Variants in MAN2B1 observed in about 807,000 individuals in gnomAD.
MAN2B1 encodes the protein lysosomal alpha-mannosidase.
Under a neutral mutation model 127.5 loss-of-function variants are expected in MAN2B1, and 99 were observed. The ratio of observed to expected loss-of-function variants is 0.78; its 90% CI spans 0.66 to 0.92. MAN2B1 has a LOEUF of 0.92. Ranked by LOEUF, MAN2B1 falls within the 40% of genes least tolerant of loss-of-function variation. The probability of loss-of-function intolerance (pLI) is 0.00; values close to 1 mark genes in which losing one functional copy is unlikely to be tolerated. For synonymous variants in MAN2B1, 573 were observed against 568.8 expected, an observed-to-expected ratio of 1.01 and a Z score of -0.11; for missense variants, 1,304 against 1,384.8, an observed-to-expected ratio of 0.94 and a Z score of 0.93.
At chr19:12,666,431 A>G (rs2024243304) in intron 1 of MAN2B1, 112 bp downstream of exon 1, 2 of 1,214,266 alleles carry the variant, frequency 1.6e-6, no homozygotes, top group Non-Finnish European at 2.4e-6. Context: ...CCACACTGTC[A>G]TATCATCAGC....
chr19:12,650,344 C>T (rs1299730863), intron 16 of MAN2B1, 122 bp from the exon 17 acceptor site: 7 of 715,320 alleles, frequency 9.8e-6, no homozygotes, highest in Non-Finnish European at 1.8e-5. Context: ...CCTTCAGTCA[C>T]CGCCACATAA....
chr19:12,657,435 G>A lies in MAN2B1; in HGVS notation c.1419+11C>T. 1 of 1,546,672 alleles carries A rather than the reference G, an allele frequency of 6.5e-7. No individual in the cohort carries two copies. The highest frequency in any genetic ancestry group is 8.7e-7 in the Non-Finnish European group (1 of 1,145,538). On this transcript the variant is annotated intron_variant, in intron 11 of 23. Coordinates refer to ENST00000456935, the MANE Select transcript of MAN2B1 (RefSeq NM_000528.4). ...TCCACCCCCGTGTCTCCCAAGTCTC[G>A]CCCCGCGCACCTCGCAAGGCCCCCA...
chr19:12,656,102 G>A (rs988386392), intron 13 of MAN2B1: 1 of 507,656 alleles, frequency 2.0e-6, no homozygotes, highest in Non-Finnish European at 3.5e-6. Context: ...TGGAGTCGGG[G>A]GAGTGAAGGA....
chr19:12,647,746 G>A lies in MAN2B1; in HGVS notation c.2665-148C>T, dbSNP rs2023728580. On this transcript the variant is annotated intron_variant, in intron 21 of 23. Transcript: ENST00000456935. This position sits in a 1 kb window ranked among gnomAD's most constrained non-coding sequence, Gnocchi z 4.9. ...AGGCTCAGCCGAGAGGAGCGGCCAG[G>A]GCCGTGACAGGGAGGACTGAGCCAA... 1 of 672,796 alleles carries A rather than the reference G, an allele frequency of 1.5e-6. No homozygotes were observed. The highest frequency in any genetic ancestry group is 2.5e-6 in the Non-Finnish European group (1 of 400,456). 41.7% of individuals were successfully genotyped at this position (672,796 alleles called of 1,614,324 possible).
At chr19:12,656,388 A>C (rs1402187940) in intron 13 of MAN2B1, 183 bp downstream of exon 13, 29 of 580,412 alleles carry the variant, frequency 5.0e-5, no homozygotes, top group Non-Finnish European at 3.1e-6. Flanking sequence ...GACCACTCAC[A>C]GGAGGCATAT....
rs1218747088 is a variant in MAN2B1, at chr19:12,647,261, G to A, written c.2895C>T (p.Ala965=). The A allele has an allele frequency of 6.2e-7, 1 of 1,614,106 alleles. No individual in the cohort carries two copies. The highest frequency in any genetic ancestry group is 8.5e-7 in the Non-Finnish European group (1 of 1,179,994). ...TLVANQLREA[A]SRLKWTTNTG... ...TGTTTGTTGTCCACTTGAGCCTGGA[G>A]GCTGCCTCGCGGAGCTGGTTGGCCA... Residue 965 remains alanine (A), a synonymous_variant, in exon 23 of 24, where the codon GCC becomes GCT. Coordinates refer to ENST00000456935, the MANE Select transcript of MAN2B1 (RefSeq NM_000528.4). This position sits in a 1 kb window ranked among gnomAD's most constrained non-coding sequence, Gnocchi z 4.9.
intron 14 of MAN2B1, among the ~76,000 whole-genome samples, chr19:12,652,997 C>T (rs2023877060): frequency 6.6e-6 from 1 of 151,752 alleles, no homozygotes; most frequent in Admixed American, 6.6e-5. Flanking sequence ...CCATGCCTGG[C>T]TAATTTTTGT....
At chr19:12,648,939 G>A (rs2023769107) in intron 20 of MAN2B1, among the ~76,000 whole-genome samples, 197 bp downstream of exon 20, 1 of 152,168 alleles carries the variant, frequency 6.6e-6, no homozygotes, top group Admixed American at 6.5e-5. Flanking sequence ...AGGTTGCAGT[G>A]AGCTGAGATA....
rs773459409 is a variant in MAN2B1, at chr19:12,666,731, G to A, written c.-30C>T. ...CAGCAGCTTCCTCCTGGGGTTCCCC[G>A]GCCCTGGAAAGGCCGGGCAAACGCC... On this transcript the variant is annotated 5_prime_UTR_variant, in exon 1 of 24. Transcript: ENST00000456935. The A allele has an allele frequency of 1.9e-6, 3 of 1,543,468 alleles. No homozygotes were observed. The highest frequency in any genetic ancestry group is 1.4e-5 in the African/African-American group (1 of 72,830).
rs2024164599 is a variant in MAN2B1, at chr19:12,663,758, C to T, written c.708G>A (p.Glu236=). ...GGCTGGTGCTGGCCCGCCACACCTG[C>T]TCCATCTCCAGCTTCTGCATCCGTA... ...KWVRMQKLEM[E]QVWRASTSLK... The change falls in exon 5 of 24, where the codon GAG becomes GAA. Residue 236 remains glutamate, a synonymous_variant. Coordinates refer to ENST00000456935, the MANE Select transcript of MAN2B1 (RefSeq NM_000528.4). 6.2e-7 allele frequency: 1 copy of T among 1,614,190 alleles called. No individual in the cohort carries two copies. The highest frequency in any genetic ancestry group is 8.5e-7 in the Non-Finnish European group (1 of 1,180,030).
At chr19:12,658,971 C>T (rs1453199937) in intron 7 of MAN2B1, 1 of 260,790 alleles carries the variant, frequency 3.8e-6, no homozygotes, top group Non-Finnish European at 7.6e-6. Context: ...ATTCTCCAGC[C>T]TCAGCCTCAT....
chr19:12,664,458 AC>A (rs1374096797), intron 4 of MAN2B1, among the ~76,000 whole-genome samples: 1 of 152,080 alleles, frequency 6.6e-6, no homozygotes, highest in East Asian at 1.9e-4. Flanking sequence ...CAGGTAATGA[AC>A]CTGTTTTTAA....
intron 14 of MAN2B1, among the ~76,000 whole-genome samples, chr19:12,654,023 C>T (rs1438686510): frequency 1.3e-4 from 20 of 151,400 alleles, no homozygotes; most frequent in Non-Finnish European, 1.5e-5. Context: ...CCACCCCAGC[C>T]TTTTCTTTTT....
At position 12,648,372 on chromosome 19, in the gene MAN2B1, G is replaced by A. The variant is rs746805353; in HGVS notation, c.2467C>T (p.Arg823Cys). 1 of 1,613,288 alleles carries A rather than the reference G, an allele frequency of 6.2e-7. No homozygotes were observed. The highest frequency in any genetic ancestry group is 1.7e-5 in the Admixed American group (1 of 60,000). ...TCCATTAGTGGCTCCGATACTCCGC[G>A]TCCATCGTCCTTCAGCAGCCTTCGG... ...VHRRLLKDDGRGVSEPLMENG... is the reference protein window; with the variant it reads ...VHRRLLKDDGCGVSEPLMENG... Residue 823 changes from arginine (R) to cysteine (C), a missense_variant, in exon 21 of 24, where the codon CGC becomes TGC. Transcript: ENST00000456935.
chr19:12,665,379 C>T lies in MAN2B1; in HGVS notation c.409G>A (p.Glu137Lys), dbSNP rs765801028. The change falls in exon 3 of 24, where the codon GAA (glutamate) becomes AAA (lysine). Residue 137 changes from glutamate to lysine, a missense_variant. By Grantham distance (56) the Glu-to-Lys change is moderately conservative (BLOSUM62 1). Coordinates refer to ENST00000456935, the MANE Select transcript of MAN2B1 (RefSeq NM_000528.4). ...TGGCGCACAAGGTCTCGCACGACTT[C>T]CTGTGTGGCATTTGTCTGCTGGTGC... ...WWHQQTNATQ[E>K]VVRDLVRQGR... 3.7e-6 allele frequency: 6 copies of T among 1,609,896 alleles called. No individual in the cohort carries two copies. The South Asian group carries it at 5.5e-5, about 15-fold the overall frequency.
intron 11 of MAN2B1, 166 bp downstream of exon 11, chr19:12,657,280 C>T (rs1461455451): frequency 4.2e-6 from 2 of 478,366 alleles, no homozygotes; most frequent in African/African-American, 4.2e-5. Context: ...CCGCCCCGTT[C>T]CTGTATCTTT....
At position 12,663,837 on chromosome 19, in the gene MAN2B1, TGG is replaced by T. The variant is rs781749057; in HGVS notation, c.631-4_631-3del. The T allele has an allele frequency of 2.2e-5, 36 of 1,614,160 alleles. No homozygotes were observed. The highest frequency in any genetic ancestry group is 3.1e-5 in the Non-Finnish European group (36 of 1,180,032). ...AAAGAAGAAGCCGTCGAAGCCCATC[TGG>T]GGATGAGGGAGGAAAAGGCAGTGTG... On this transcript the variant is annotated splice_region_variant and splice_polypyrimidine_tract_variant and intron_variant, in intron 4 of 23. Transcript: ENST00000456935.
chr19:12,657,415 C>A, intron 11 of MAN2B1, 31 bp downstream of exon 11: 1 of 1,531,448 alleles, frequency 6.5e-7, no homozygotes, highest in Admixed American at 2.0e-5. Flanking sequence ...CTGTCTCCAC[C>A]CCCGTGTCTC....
In MAN2B1 at chr19:12,663,271, T is replaced by C. The variant is rs532183715; in HGVS notation, c.909+46A>G. 8.1e-6 allele frequency: 13 copies of C among 1,610,108 alleles called. No homozygotes were observed. In the Admixed American group the frequency reaches 1.2e-4, roughly 14 times the overall value. ...ATGCCTGTACCATGGAAAGAGCTCA[T>C]TGTATTGTATATACCGGACTCGAAG... On this transcript the variant is annotated intron_variant, in intron 6 of 23. Coordinates refer to ENST00000456935, the MANE Select transcript of MAN2B1 (RefSeq NM_000528.4).
Sources: gnomAD v4.1 joint callset for allele counts (sites outside exome capture counted in the v4.1 genomes callset) on GRCh38, gnomAD v4.1.1 for gene constraint, Gnocchi (gnomAD v3.1) non-coding constraint, MANE v1.5 for transcripts, NCBI Gene and HGNC (gene_info 2026-07-23, HGNC 2026-07-21) for gene names.